CSRNP3: variants seen among roughly 807,000 people sequenced by gnomAD.
CSRNP3 encodes cysteine and serine rich nuclear protein 3.
Under a neutral mutation model 48.0 loss-of-function variants are expected in CSRNP3, and 12 were observed. That is an observed-to-expected ratio of 0.25 (90% CI 0.16 to 0.41). CSRNP3 has a LOEUF of 0.41. Ranked by LOEUF, CSRNP3 falls within the 10% of genes least tolerant of loss-of-function variation. The pLI is 1.00. For synonymous variants in CSRNP3, 263 were observed against 269.7 expected (o/e 0.98, Z 0.24); for missense variants, 580 against 724.4 (o/e 0.80, Z 2.29).
intron 3 of CSRNP3, among the ~76,000 whole-genome samples, chr2:165,530,929 T>C (rs1426002025): frequency 6.6e-6 from 1 of 152,060 alleles, no homozygotes; most frequent in Non-Finnish European, 1.5e-5. Context: ...AAAACTAAGG[T>C]ATGGGACTGT....
At chr2:165,524,372 C>T (rs868290113) in intron 3 of CSRNP3, among the ~76,000 whole-genome samples, 2 of 151,956 alleles carry the variant, frequency 1.3e-5, no homozygotes, top group African/African-American at 4.8e-5. Context: ...TATTATTGAA[C>T]ATTGAATAAA....
At position 165,687,943 on chromosome 2, in the gene CSRNP3, G is replaced by C. The variant is rs1254223772; in HGVS notation, c.*8190G>C. 6.6e-6 allele frequency: 1 copy of C among 151,286 alleles called. No homozygotes were observed. The highest frequency in any genetic ancestry group is 6.6e-5 in the Admixed American group (1 of 15,128). 9.4% of individuals were successfully genotyped at this position (151,286 alleles called of 1,614,324 possible). A position where few individuals can be genotyped will look rare whatever the true frequency, so the allele number is the denominator to read the frequency against. On this transcript the variant is annotated 3_prime_UTR_variant, in exon 7 of 7. Coordinates refer to ENST00000651982, the MANE Select transcript of CSRNP3 (RefSeq NM_001172173.2). ...TGGGATTTTTTTCAATCTTGGTACA[G>C]CTGCATATCTCCCAAACTCGGATGC...
Position 165,686,963 on chromosome 2 carries a change from C to T in CSRNP3, c.*7210C>T, listed in dbSNP as rs1278783248. On this transcript the variant is annotated 3_prime_UTR_variant, in exon 7 of 7. Coordinates refer to ENST00000651982, the MANE Select transcript of CSRNP3 (RefSeq NM_001172173.2). Reference sequence around the variant, plus strand: ...GATCTACCACCAGGGAAGACTGTCACTTAGGCATGCCCAACAGGAGAGATC... The same window carrying T: ...GATCTACCACCAGGGAAGACTGTCATTTAGGCATGCCCAACAGGAGAGATC... 1 of 152,122 alleles carries T rather than the reference C, an allele frequency of 6.6e-6. No homozygotes were observed. The highest frequency in any genetic ancestry group is 1.5e-5 in the Non-Finnish European group (1 of 68,010). The allele number at this position is 152,122 out of a possible 1,614,324, so 9.4% of individuals were successfully genotyped here.
intron 4 of CSRNP3, among the ~76,000 whole-genome samples, chr2:165,604,446 T>C (rs1685976264): frequency 6.6e-6 from 1 of 152,182 alleles, no homozygotes. Flanking sequence ...GTACAAACAT[T>C]AGTGGAAATA....
chr2:165,546,181 T>C (rs913855986), intron 3 of CSRNP3, among the ~76,000 whole-genome samples: 3 of 151,994 alleles, frequency 2.0e-5, no homozygotes, highest in African/African-American at 7.2e-5. Context: ...TTGTTTGCTT[T>C]TGATTTTTTG....
chr2:165,486,184 G>T (rs1055741766), intron 1 of CSRNP3, among the ~76,000 whole-genome samples: 2 of 152,154 alleles, frequency 1.3e-5, no homozygotes, highest in South Asian at 2.1e-4. Flanking sequence ...AATGGGTGAC[G>T]GACGCACCTG....
At position 165,520,773 on chromosome 2, in the gene CSRNP3, TATATATATATTATATATA is replaced by T. The variant is rs1558923486; in HGVS notation, c.-24+2813_-24+2830del. Reference sequence around the variant, plus strand: ...TAAATAGATATATAGAAATATATTATATATATATATTATATATATATATATATATATATATATATATAT... The same window carrying T: ...TAAATAGATATATAGAAATATATTATTATATATATATATATATATATATAT... On this transcript the variant is annotated intron_variant, in intron 3 of 6. Transcript: ENST00000651982. Among the ~76,000 whole-genome samples the T allele has an allele frequency of 2.0e-3, 117 of 58,488 alleles. 1 individual carries two copies. The highest frequency in any genetic ancestry group is 7.2e-3 in the African/African-American group (108 of 14,976). The allele number at this position is 58,488 out of a possible 152,430, so 38.4% of individuals were successfully genotyped here.
chr2:165,566,494 C>G (rs1234159400), intron 3 of CSRNP3, among the ~76,000 whole-genome samples: 1 of 151,518 alleles, frequency 6.6e-6, no homozygotes. Flanking sequence ...ATGGTTTCAT[C>G]TGTAAAATGG....
intron 3 of CSRNP3, among the ~76,000 whole-genome samples, chr2:165,540,629 C>A (rs1684943963): frequency 1.3e-5 from 2 of 149,330 alleles, no homozygotes; most frequent in Non-Finnish European, 3.0e-5. Flanking sequence ...CCACAACACA[C>A]CACATTGATC....
chr2:165,656,797 C>G (rs1687012255), intron 4 of CSRNP3, among the ~76,000 whole-genome samples: 1 of 149,636 alleles, frequency 6.7e-6, no homozygotes, highest in Admixed American at 6.6e-5. Context: ...ATGTCAAACA[C>G]CCTCCACATA....
intron 4 of CSRNP3, among the ~76,000 whole-genome samples, chr2:165,608,107 C>A (rs1325353157): frequency 6.7e-6 from 1 of 150,282 alleles, no homozygotes; most frequent in Non-Finnish European, 1.5e-5. Flanking sequence ...TAAGTTTAAT[C>A]GAATATTTTA....
At chr2:165,594,168 A>G (rs995290881) in intron 3 of CSRNP3, among the ~76,000 whole-genome samples, 13 of 151,894 alleles carry the variant, frequency 8.6e-5, no homozygotes, top group Non-Finnish European at 1.9e-4. Flanking sequence ...TGGATAATGG[A>G]TATTTAACCT....
chr2:165,625,574 C>T (rs776826136), intron 4 of CSRNP3, among the ~76,000 whole-genome samples: 19 of 151,486 alleles, frequency 1.3e-4, no homozygotes, highest in Non-Finnish European at 2.2e-4. Context: ...GCAGAGGTTG[C>T]AGTGAGCTGA....
chr2:165,511,223 T>C (rs1200976822), intron 2 of CSRNP3, among the ~76,000 whole-genome samples: 2 of 152,174 alleles, frequency 1.3e-5, no homozygotes, highest in African/African-American at 4.8e-5. Flanking sequence ...TGAGAGGAAT[T>C]CAATGTAGAA....
At chr2:165,652,800 T>A (rs1686936705) in intron 4 of CSRNP3, among the ~76,000 whole-genome samples, 1 of 152,090 alleles carries the variant, frequency 6.6e-6, no homozygotes, top group Non-Finnish European at 1.5e-5. Flanking sequence ...TGCCTCAGCC[T>A]CCCAAAATGC....
chr2:165,670,389 C>T (rs964031724), intron 5 of CSRNP3, among the ~76,000 whole-genome samples: 2 of 152,170 alleles, frequency 1.3e-5, no homozygotes, highest in African/African-American at 4.8e-5. Flanking sequence ...GTATGTTGTG[C>T]ACCAGTACAC....
chr2:165,479,851 C>T (rs1684016026), intron 1 of CSRNP3, among the ~76,000 whole-genome samples: 1 of 150,482 alleles, frequency 6.6e-6, no homozygotes, highest in Admixed American at 6.6e-5. Context: ...TGCCACTGCA[C>T]TCCAGCCTGG....
chr2:165,676,164 C>T, intron 5 of CSRNP3, 148 bp from the exon 6 acceptor site: 3 of 684,038 alleles, frequency 4.4e-6, no homozygotes, highest in South Asian at 3.9e-5. Context: ...TCTGTGATTT[C>T]TCCTAAAGAT....
chr2:165,519,856 G>A (rs1312014749), intron 3 of CSRNP3, among the ~76,000 whole-genome samples: 2 of 152,116 alleles, frequency 1.3e-5, no homozygotes, highest in Non-Finnish European at 2.9e-5. Context: ...GAAAGGAAAT[G>A]TAGAGTGTAA....
Sources: gnomAD v4.1 joint callset for allele counts (sites outside exome capture counted in the v4.1 genomes callset) on GRCh38, gnomAD v4.1.1 for gene constraint, MANE v1.5 for transcripts, NCBI Gene and HGNC (gene_info 2026-07-23, HGNC 2026-07-21) for gene names.